Variants in CSGALNACT1 observed in about 807,000 individuals in gnomAD.
CSGALNACT1 encodes beta4GalNAcT-1.
Under a neutral mutation model 51.0 loss-of-function variants are expected in CSGALNACT1, and 52 were observed. The ratio of observed to expected loss-of-function variants is 1.02; its 90% CI spans 0.82 to 1.29. CSGALNACT1 has a LOEUF of 1.29. Ranked by LOEUF, CSGALNACT1 falls within the 50% of genes most tolerant of loss-of-function variation. CSGALNACT1 has a pLI of 0.00. For missense variants in CSGALNACT1, 935 were observed against 679.2 expected (o/e 1.38, Z -4.19); for synonymous variants, 341 against 254.4 (o/e 1.34, Z -3.24).
rs11992591 is a variant in CSGALNACT1, at chr8:19,594,646, C to T, written c.-415-3368G>A. On this transcript the variant is annotated intron_variant, in intron 2 of 9. Coordinates refer to ENST00000454498, the Ensembl canonical transcript of CSGALNACT1. ...GCAACCTCCACCTCCCAGGTTCAAG[C>T]GATTCTCCTGCCTCAGCTTCCCAAG... is the stretch of plus-strand genomic sequence containing the variant. 9.1e-3 allele frequency among the ~76,000 whole-genome samples: 1,380 copies of T among 152,148 alleles called. 17 individuals are homozygous for T. Among genetic ancestry groups the T allele is most frequent in the African/African-American group, 0.031 (1,286 of 41,524 alleles).
At chr8:19,640,347 A>C (rs1273856164) in intron 1 of CSGALNACT1, among the ~76,000 whole-genome samples, 1 of 152,132 alleles carries the variant, frequency 6.6e-6, no homozygotes, top group African/African-American at 2.4e-5. Flanking sequence ...ACACATGTAA[A>C]TCTCCCAACT....
At chr8:19,503,043 A>G (rs527680727) in intron 4 of CSGALNACT1, among the ~76,000 whole-genome samples, 1 of 152,318 alleles carries the variant, frequency 6.6e-6, no homozygotes, top group Admixed American at 6.5e-5. Context: ...TGACTAGTAG[A>G]ATCTTTCCTA....
chr8:19,641,948 T>C (rs1232607779), intron 1 of CSGALNACT1: 1 of 152,194 alleles, frequency 6.6e-6, no homozygotes, highest in Non-Finnish European at 1.5e-5. Flanking sequence ...TTACAACCCT[T>C]TATAGGTGTA....
intron 1 of CSGALNACT1, among the ~76,000 whole-genome samples, chr8:19,730,419 C>T (rs1444071814): frequency 6.6e-6 from 1 of 152,138 alleles, no homozygotes; most frequent in African/African-American, 2.4e-5. Context: ...TGCTAGGTGA[C>T]TAAAAATGTT....
At chr8:19,428,974 G>A (rs1323915029) in intron 6 of CSGALNACT1, among the ~76,000 whole-genome samples, 4 of 151,548 alleles carry the variant, frequency 2.6e-5, no homozygotes, top group Non-Finnish European at 5.9e-5. Context: ...TAGTACATTC[G>A]CGATGCTGTA....
chr8:19,553,449 G>A (rs1588235724), intron 3 of CSGALNACT1, among the ~76,000 whole-genome samples: 1 of 151,734 alleles, frequency 6.6e-6, no homozygotes, highest in African/African-American at 2.4e-5. Context: ...TCTGGCATTT[G>A]GGAGGCCCAA....
chr8:19,473,501 G>C (rs2068689766), intron 4 of CSGALNACT1, among the ~76,000 whole-genome samples: 1 of 152,094 alleles, frequency 6.6e-6, no homozygotes, highest in Admixed American at 6.5e-5. Context: ...TTCTGTGGTT[G>C]ACCAACACCC....
intron 1 of CSGALNACT1, among the ~76,000 whole-genome samples, chr8:19,692,646 A>G (rs139614505): frequency 6.6e-6 from 1 of 152,324 alleles, no homozygotes; most frequent in African/African-American, 2.4e-5. Context: ...AAGGCAGAAA[A>G]TGAGCTTTTT....
chr8:19,650,291 G>A (rs1245828224), intron 1 of CSGALNACT1, among the ~76,000 whole-genome samples: 1 of 152,164 alleles, frequency 6.6e-6, no homozygotes, highest in African/African-American at 2.4e-5. Context: ...TTGAAAGCTA[G>A]ACAAAGAAAT....
At chr8:19,548,489 T>G (rs1207183941) in intron 3 of CSGALNACT1, among the ~76,000 whole-genome samples, 1 of 152,174 alleles carries the variant, frequency 6.6e-6, no homozygotes, top group African/African-American at 2.4e-5. Context: ...AAATGCATTA[T>G]TCACATGAAA....
chr8:19,696,951 G>C (rs999421005), intron 1 of CSGALNACT1, among the ~76,000 whole-genome samples: 2 of 152,272 alleles, frequency 1.3e-5, no homozygotes, highest in African/African-American at 4.8e-5. Flanking sequence ...GCAACCCCAC[G>C]TGATTTGGTG....
chr8:19,551,963 C>T (rs1191000399), intron 3 of CSGALNACT1, among the ~76,000 whole-genome samples: 1 of 152,108 alleles, frequency 6.6e-6, no homozygotes, highest in Admixed American at 6.5e-5. Flanking sequence ...TGGAATAACT[C>T]TCTAAAATAG....
chr8:19,456,384 A>G (rs1233851858), intron 5 of CSGALNACT1, among the ~76,000 whole-genome samples: 1 of 152,236 alleles, frequency 6.6e-6, no homozygotes, highest in Admixed American at 6.5e-5. Flanking sequence ...CCAGTAAGAC[A>G]TAGGCAGCTT....
chr8:19,532,436 TTC>T (rs1408506863), intron 3 of CSGALNACT1, among the ~76,000 whole-genome samples: 1 of 152,214 alleles, frequency 6.6e-6, no homozygotes, highest in Non-Finnish European at 1.5e-5. Flanking sequence ...TATGTCTGTC[TTC>T]TCTTTTCTAT....
intron 1 of CSGALNACT1, among the ~76,000 whole-genome samples, chr8:19,666,796 A>AAAGG (rs1491337767): frequency 1.4e-4 from 3 of 22,096 alleles, no homozygotes; most frequent in African/African-American, 6.4e-4. Flanking sequence ...AGAAAGAAAG[A>AAAGG]AAGAAAGAAA....
At chr8:19,521,248 G>A (rs1047336622) in intron 3 of CSGALNACT1, among the ~76,000 whole-genome samples, 2 of 152,146 alleles carry the variant, frequency 1.3e-5, no homozygotes, top group Admixed American at 6.5e-5. Flanking sequence ...GGAGAGGAAA[G>A]ACTGGCACTG....
chr8:19,649,790 A>T (rs2057614537), intron 1 of CSGALNACT1, among the ~76,000 whole-genome samples: 1 of 146,766 alleles, frequency 6.8e-6, no homozygotes, highest in African/African-American at 2.5e-5. Flanking sequence ...TTTCTAATTA[A>T]AGGAAGAAAT....
intron 1 of CSGALNACT1, among the ~76,000 whole-genome samples, chr8:19,658,062 C>CAAAAAAAAAAAAAAAAAA (rs397973082): frequency 1.2e-5 from 1 of 86,712 alleles, no homozygotes; most frequent in Non-Finnish European, 2.1e-5. Flanking sequence ...ACCCTCCTTC[C>CAAAAAAAAAAAAAAAAAA]AAAAAAAAAA....
chr8:19,595,974 C>T (rs1019214053), intron 2 of CSGALNACT1, among the ~76,000 whole-genome samples: 4 of 151,648 alleles, frequency 2.6e-5, no homozygotes, highest in South Asian at 4.2e-4. Flanking sequence ...AGGGATCCTC[C>T]GACTCTAGCC....
Sources: allele counts gnomAD v4.1 joint callset (sites outside exome capture counted in the v4.1 genomes callset), GRCh38; gene constraint gnomAD v4.1.1; transcripts MANE v1.5; gene names NCBI Gene and HGNC (gene_info 2026-07-23, HGNC 2026-07-21).